The following DUS2 variants were observed in gnomAD, a reference collection of about 807,000 sequenced individuals.
The protein encoded by DUS2 is dihydrouridine synthase 2, also known as tRNA-dihydrouridine(20) synthase [NAD(P)+]-like.
Under a neutral mutation model 71.3 loss-of-function variants are expected in DUS2, and 52 were observed. The observed-to-expected ratio is 0.73, with a 90% confidence interval of 0.58 to 0.92. The LOEUF is 0.92. Ranked by LOEUF, DUS2 falls within the 40% of genes least tolerant of loss-of-function variation. The probability of loss-of-function intolerance (pLI) is 0.00; values close to 1 mark genes in which losing one functional copy is unlikely to be tolerated. For missense variants in DUS2, 558 were observed against 622.6 expected, an observed-to-expected ratio of 0.90 and a Z score of 1.10; for synonymous variants, 204 against 227.8, an observed-to-expected ratio of 0.90 and a Z score of 0.94.
intron 5 of DUS2, 123 bp from the exon 6 acceptor site, chr16:68,054,451 C>T: frequency 9.0e-7 from 1 of 1,112,162 alleles, no homozygotes; most frequent in East Asian, 2.4e-5. Context: ...AAGAGAAAGC[C>T]AGCCTGACTC....
intron 3 of DUS2, among the ~76,000 whole-genome samples, chr16:68,047,784 T>G (rs953977544): frequency 4.7e-5 from 4 of 84,564 alleles, no homozygotes; most frequent in South Asian, 3.6e-4. Flanking sequence ...TGCTGGCGTG[T>G]TTTTTTTTTT....
At chr16:68,062,856 T>G (rs2033959318) in intron 8 of DUS2, among the ~76,000 whole-genome samples, 1 of 152,038 alleles carries the variant, frequency 6.6e-6, no homozygotes, top group African/African-American at 2.4e-5. Context: ...CTGGGTATAG[T>G]TTATAAGTGT....
Position 68,071,044 on chromosome 16 carries a change from CATCTATCT to C in DUS2, c.747_754del (p.Ser250ProfsTer23). ...GTGGCCCGAGCAGCCATGTGGAACC[CATCTATCT>C]TCCTCAAGGAGGGTCTGCGGCCCCT... On this transcript the variant is annotated frameshift_variant, in exon 12 of 17. Coordinates refer to ENST00000565263, the MANE Select transcript of DUS2 (RefSeq NM_017803.5). LOFTEE classifies it high-confidence loss of function. 6.2e-7 allele frequency: 1 copy of C among 1,614,188 alleles called. No individual in the cohort carries two copies. The highest frequency in any genetic ancestry group is 8.5e-7 in the Non-Finnish European group (1 of 1,180,058).
At chr16:68,076,771 C>A in intron 15 of DUS2, 52 bp downstream of exon 15, 1 of 1,492,594 alleles carries the variant, frequency 6.7e-7, no homozygotes, top group Non-Finnish European at 9.3e-7. Flanking sequence ...ACTCCCATGG[C>A]TTACACCCTC....
At chr16:68,053,870 TG>T in intron 5 of DUS2, 1 of 538,528 alleles carries the variant, frequency 1.9e-6, no homozygotes, top group Non-Finnish European at 3.3e-6. Flanking sequence ...CAGTCTTATA[TG>T]TCTCTAGTCT....
chr16:68,038,217 A>T, intron 3 of DUS2, 68 bp downstream of exon 3: 1 of 1,589,300 alleles, frequency 6.3e-7, no homozygotes, highest in South Asian at 1.1e-5. Context: ...TGTGTGTGGG[A>T]GTGGTCAGGA....
intron 10 of DUS2, 103 bp from the exon 11 acceptor site, chr16:68,070,031 A>T: frequency 9.8e-7 from 1 of 1,018,380 alleles, no homozygotes; most frequent in Non-Finnish European, 1.5e-6. Flanking sequence ...GACCTTCCTG[A>T]GGTTCAGTGG....
chr16:68,078,045 T>TCCCTGCAG, intron 15 of DUS2: 1 of 248,694 alleles, frequency 4.0e-6, no homozygotes, highest in Admixed American at 5.0e-5. Context: ...TCCAGTTTCA[T>TCCCTGCAG]CCCTGCAGCC....
At chr16:68,072,779 C>T (rs113941835) in intron 12 of DUS2, among the ~76,000 whole-genome samples, 1 of 152,236 alleles carries the variant, frequency 6.6e-6, no homozygotes, top group Non-Finnish European at 1.5e-5. Flanking sequence ...TGCCCTACCT[C>T]TAGCCAGCCG....
chr16:68,048,970 C>T (rs748575238), intron 3 of DUS2, among the ~76,000 whole-genome samples: 1 of 152,120 alleles, frequency 6.6e-6, no homozygotes, highest in Non-Finnish European at 1.5e-5. Flanking sequence ...TGAGTATCTC[C>T]AGAGTTGGGG....
intron 3 of DUS2, among the ~76,000 whole-genome samples, chr16:68,045,161 G>A (rs1334134719): frequency 2.0e-5 from 3 of 152,120 alleles, no homozygotes; most frequent in Non-Finnish European, 4.4e-5. Context: ...CATTACTAGT[G>A]TATAAAATAT....
intron 12 of DUS2, 114 bp from the exon 13 acceptor site, chr16:68,073,920 C>T (rs2034120940): frequency 1.5e-6 from 2 of 1,353,920 alleles, no homozygotes; most frequent in East Asian, 2.3e-5. Flanking sequence ...GGTCACATTG[C>T]CTTGGCTACA....
chr16:68,070,933 T>C lies in DUS2; in HGVS notation c.642-7T>C. On this transcript the variant is annotated splice_region_variant and splice_polypyrimidine_tract_variant and intron_variant, in intron 11 of 16. Coordinates refer to ENST00000565263, the MANE Select transcript of DUS2 (RefSeq NM_017803.5). The stretch of plus-strand genomic sequence containing the variant: ...GGGACACCCCTAACCCTCTGGTTGC[T>C]TTTTAGCGGAGGATCTCATGACCAC... 1 of 1,613,690 alleles carries C rather than the reference T, an allele frequency of 6.2e-7. No individual in the cohort carries two copies. Among genetic ancestry groups the C allele is most frequent in the Non-Finnish European group, 8.5e-7 (1 of 1,179,628 alleles).
At chr16:68,075,866 G>A (rs1002990222) in intron 14 of DUS2, among the ~76,000 whole-genome samples, 3 of 152,108 alleles carry the variant, frequency 2.0e-5, no homozygotes, top group African/African-American at 7.2e-5. Context: ...CCCTCATTTG[G>A]CTCTGCAGCC....
intron 2 of DUS2, among the ~76,000 whole-genome samples, chr16:68,035,154 G>A (rs2033498389): frequency 6.6e-6 from 1 of 152,114 alleles, no homozygotes; most frequent in South Asian, 2.1e-4. Context: ...GGGTCTGAGG[G>A]AGCCACCATC....
chr16:68,070,343 C>A, intron 11 of DUS2, 123 bp downstream of exon 11: 2 of 819,912 alleles, frequency 2.4e-6, no homozygotes, highest in Non-Finnish European at 4.0e-6. Context: ...CAGGGCTTTC[C>A]ACAAGACCCC....
intron 11 of DUS2, among the ~76,000 whole-genome samples, chr16:68,070,638 A>G (rs1567481700): frequency 1.3e-5 from 2 of 152,182 alleles, no homozygotes; most frequent in African/African-American, 4.8e-5. Context: ...TAGCCCAGTT[A>G]TGGACCCATG....
intron 4 of DUS2, among the ~76,000 whole-genome samples, chr16:68,050,491 G>A (rs374140755): frequency 2.3e-4 from 35 of 152,184 alleles, no homozygotes; most frequent in African/African-American, 8.2e-4. Flanking sequence ...CAATATTATA[G>A]ATCTGTGTAA....
In DUS2 at chr16:68,053,937, T is replaced by C; in HGVS notation, c.264+282T>C. 1.7e-5 allele frequency: 7 copies of C among 419,766 alleles called. No homozygotes were observed. The South Asian group carries it at 2.2e-4, about 13-fold the overall frequency. The allele number at this position is 419,766 out of a possible 1,614,324, so 26.0% of individuals were successfully genotyped here. On this transcript the variant is annotated intron_variant, in intron 5 of 16. Coordinates refer to ENST00000565263, the MANE Select transcript of DUS2 (RefSeq NM_017803.5). ...TCTGTTTGGCATGATTTCTCTATTT[T>C]TTTATCCCTAGCATTGATTACTCAG...
Sources: gnomAD v4.1 joint callset for allele counts (sites outside exome capture counted in the v4.1 genomes callset) on GRCh38, gnomAD v4.1.1 for gene constraint, MANE v1.5 for transcripts, NCBI Gene and HGNC (gene_info 2026-07-23, HGNC 2026-07-21) for gene names.